Variants in CYSTM1 observed in about 807,000 individuals in gnomAD.
The protein encoded by CYSTM1 is cysteine-rich transmembrane module-containing protein 1.
A neutral mutation model predicts 13.1 loss-of-function variants in CYSTM1; 4 were observed. That is an observed-to-expected ratio of 0.31 (90% CI 0.15 to 0.70). CYSTM1 has a LOEUF of 0.70. Ranked by LOEUF, CYSTM1 falls within the 30% of genes least tolerant of loss-of-function variation. The pLI is 0.72. For missense variants in CYSTM1, 96 were observed against 121.6 expected, an observed-to-expected ratio of 0.79 and a Z score of 0.99; for synonymous variants, 36 against 42.7, an observed-to-expected ratio of 0.84 and a Z score of 0.62.
At chr5:140,223,391 C>G (rs1159385541) in intron 2 of CYSTM1, among the ~76,000 whole-genome samples, 2 of 152,196 alleles carry the variant, frequency 1.3e-5, no homozygotes, top group African/African-American at 2.4e-5. Flanking sequence ...ACTGTAGACA[C>G]CACTGTCAAC....
chr5:140,225,943 A>G (rs1335903045), intron 2 of CYSTM1, among the ~76,000 whole-genome samples: 2 of 152,186 alleles, frequency 1.3e-5, no homozygotes, highest in Non-Finnish European at 2.9e-5. Context: ...CTCCTAGAAT[A>G]GCCTGTGACT....
At chr5:140,198,784 C>T (rs900668636) in intron 2 of CYSTM1, among the ~76,000 whole-genome samples, 1 of 152,212 alleles carries the variant, frequency 6.6e-6, no homozygotes, top group African/African-American at 2.4e-5. Flanking sequence ...CAGAGTTTTT[C>T]AACCATCACC....
chr5:140,178,634 T>C (rs1763921919), intron 1 of CYSTM1, among the ~76,000 whole-genome samples: 1 of 151,792 alleles, frequency 6.6e-6, no homozygotes, highest in Non-Finnish European at 1.5e-5. Flanking sequence ...AGGTTCTGGC[T>C]CTGTTGCCTG....
At chr5:140,234,482 A>G (rs372361679) in intron 2 of CYSTM1, among the ~76,000 whole-genome samples, 6 of 152,320 alleles carry the variant, frequency 3.9e-5, no homozygotes, top group African/African-American at 1.4e-4. Flanking sequence ...AAATCTATAG[A>G]TCATCATGGG....
intron 2 of CYSTM1, among the ~76,000 whole-genome samples, chr5:140,211,621 C>T (rs1159565875): frequency 6.6e-6 from 1 of 152,214 alleles, no homozygotes; most frequent in African/African-American, 2.4e-5. Flanking sequence ...CTTCCCTTTT[C>T]CCCTGGAACC....
In CYSTM1 at chr5:140,175,817, G is replaced by T. The variant is rs1763876215; in HGVS notation, c.-21+532G>T. ...ACGCAAAGCCGGCGCTCGGAGGCCG[G>T]GGTGTTCAGAGAAGGCGTTGCGGGG... is the stretch of plus-strand genomic sequence containing the variant. On this transcript the variant is annotated intron_variant, in intron 1 of 2. Coordinates refer to ENST00000261811, the MANE Select transcript of CYSTM1 (RefSeq NM_032412.4). The surrounding 1 kb of genome is among the most constrained non-coding windows in gnomAD (Gnocchi z 4.9). Among the ~76,000 whole-genome samples, 1 of 152,248 alleles carries T rather than the reference G, an allele frequency of 6.6e-6. No individual in the cohort carries two copies.
At chr5:140,242,015 T>C (rs955160156) in intron 2 of CYSTM1, among the ~76,000 whole-genome samples, 5 of 152,130 alleles carry the variant, frequency 3.3e-5, no homozygotes, top group Admixed American at 3.3e-4. Context: ...TCCTTGCCTG[T>C]GAAGTGGGAA....
At chr5:140,238,920 G>A (rs764388247) in intron 2 of CYSTM1, among the ~76,000 whole-genome samples, 13 of 152,150 alleles carry the variant, frequency 8.5e-5, no homozygotes, top group Admixed American at 6.5e-4. Context: ...TTTTTGGAAG[G>A]TGTGGTGATT....
chr5:140,177,333 C>A (rs1435414073), intron 1 of CYSTM1, among the ~76,000 whole-genome samples: 1 of 151,800 alleles, frequency 6.6e-6, no homozygotes, highest in African/African-American at 2.4e-5. Context: ...GCTCTGTCGC[C>A]CAGGCTGGAG....
chr5:140,234,281 T>A (rs896542806), intron 2 of CYSTM1, among the ~76,000 whole-genome samples: 4 of 152,360 alleles, frequency 2.6e-5, no homozygotes, highest in Non-Finnish European at 4.4e-5. Flanking sequence ...TCTATTATTG[T>A]CTTCTTCATT....
At chr5:140,204,131 C>T (rs547323314) in intron 2 of CYSTM1, among the ~76,000 whole-genome samples, 139 of 152,246 alleles carry the variant, frequency 9.1e-4, no homozygotes, top group African/African-American at 3.2e-3. Context: ...CTTTGGGAGG[C>T]TGAGACAGGA....
intron 2 of CYSTM1, among the ~76,000 whole-genome samples, chr5:140,213,557 A>G (rs1764395970): frequency 6.6e-6 from 1 of 152,132 alleles, no homozygotes; most frequent in Admixed American, 6.5e-5. Flanking sequence ...TTTCACATTC[A>G]CTCACTTACT....
At position 140,175,972 on chromosome 5, in the gene CYSTM1, G is replaced by A. The variant is rs1763878596; in HGVS notation, c.-21+687G>A. On this transcript the variant is annotated intron_variant, in intron 1 of 2. Transcript: ENST00000261811. This position sits in a 1 kb window ranked among gnomAD's most constrained non-coding sequence, Gnocchi z 4.9. ...CCGGTAGCAGTGGAGGTTGCAGGGGGGAGAGAAGGAGGGGAGGACCCCTGG... is the reference window on the plus strand; with the variant it reads ...CCGGTAGCAGTGGAGGTTGCAGGGGAGAGAGAAGGAGGGGAGGACCCCTGG... Among the ~76,000 whole-genome samples, 1 of 152,180 alleles carries A rather than the reference G, an allele frequency of 6.6e-6. No homozygotes were observed. The highest frequency in any genetic ancestry group is 1.5e-5 in the Non-Finnish European group (1 of 68,034).
intron 2 of CYSTM1, among the ~76,000 whole-genome samples, chr5:140,204,046 TC>T (rs1020889233): frequency 2.0e-5 from 3 of 152,078 alleles, no homozygotes; most frequent in Non-Finnish European, 2.9e-5. Context: ...TTAGTGACTT[TC>T]CAGGGTCAGT....
chr5:140,182,715 T>C (rs1039584987), intron 1 of CYSTM1, among the ~76,000 whole-genome samples: 2 of 152,014 alleles, frequency 1.3e-5, no homozygotes, highest in Non-Finnish European at 2.9e-5. Flanking sequence ...TTGCTAATGA[T>C]AGAAACTGAA....
intron 2 of CYSTM1, chr5:140,200,567 T>G (rs1426516014): frequency 7.1e-6 from 1 of 141,786 alleles, no homozygotes. Context: ...CTTTTTTTTT[T>G]TTTTTTTTTT....
intron 2 of CYSTM1, among the ~76,000 whole-genome samples, chr5:140,204,846 A>C (rs1026677920): frequency 2.0e-5 from 3 of 152,122 alleles, no homozygotes; most frequent in Non-Finnish European, 4.4e-5. Flanking sequence ...TTACCATTTC[A>C]AAGGGTGGTT....
At chr5:140,195,676 C>T (rs1764146988) in intron 2 of CYSTM1, among the ~76,000 whole-genome samples, 1 of 150,720 alleles carries the variant, frequency 6.6e-6, no homozygotes, top group Admixed American at 6.6e-5. Flanking sequence ...CGTGATCCGC[C>T]CCCCTTGGCC....
At chr5:140,229,933 C>T (rs1283709994) in intron 2 of CYSTM1, among the ~76,000 whole-genome samples, 8 of 151,688 alleles carry the variant, frequency 5.3e-5, no homozygotes, top group African/African-American at 1.2e-4. Flanking sequence ...TGCAGTGTCA[C>T]GATCTCGGCT....
Sources: allele counts gnomAD v4.1 joint callset (sites outside exome capture counted in the v4.1 genomes callset), GRCh38; gene constraint gnomAD v4.1.1; non-coding constraint Gnocchi (gnomAD v3.1); transcripts MANE v1.5; gene names NCBI Gene and HGNC (gene_info 2026-07-23, HGNC 2026-07-21).